The following METTL13 variants were observed in gnomAD, a reference collection of about 807,000 sequenced individuals.
METTL13 encodes methyltransferase 13, eEF1A N-terminus and K55.
METTL13 carries 52 observed loss-of-function variants against 67.4 expected under a neutral mutation model. That is an observed-to-expected ratio of 0.77 (90% confidence interval 0.62 to 0.97). METTL13 has a LOEUF of 0.97. Ranked by LOEUF, METTL13 falls within the 50% of genes least tolerant of loss-of-function variation. The pLI is 0.00. For synonymous variants in METTL13, 354 were observed against 353.6 expected, an observed-to-expected ratio of 1.00 and a Z score of -0.01; for missense variants, 825 against 889.6, an observed-to-expected ratio of 0.93 and a Z score of 0.92.
intron 2 of METTL13, among the ~76,000 whole-genome samples, chr1:171,784,803 G>T (rs1165883747): frequency 6.6e-6 from 1 of 152,166 alleles, no homozygotes; most frequent in African/African-American, 2.4e-5. Flanking sequence ...AATTTAGGAG[G>T]TCACATATGA....
At chr1:171,783,602 G>C in intron 1 of METTL13, 138 bp from the exon 2 acceptor site, 1 of 962,800 alleles carries the variant, frequency 1.0e-6, no homozygotes, top group Non-Finnish European at 1.5e-6. Flanking sequence ...ACTCTACAAT[G>C]TCGCTCTTTC....
At chr1:171,785,802 T>C in intron 2 of METTL13, 77 bp from the exon 3 acceptor site, 1 of 1,464,964 alleles carries the variant, frequency 6.8e-7, no homozygotes, top group Non-Finnish European at 9.4e-7. Flanking sequence ...AGGGACTGGC[T>C]CCCTGCCGTT....
intron 3 of METTL13, 56 bp downstream of exon 3, chr1:171,786,134 G>A (rs1458626251): frequency 2.0e-6 from 3 of 1,530,254 alleles, no homozygotes; most frequent in Non-Finnish European, 1.8e-6. Flanking sequence ...TAGCAGCCAG[G>A]GAGGCAGAGG....
chr1:171,794,532 G>A lies in METTL13; in HGVS notation c.1825+5G>A. ...AAAGCATCTTGACTCCTGAAGGTAT[G>A]GAGAACAAAAGGTGGGAGAGGGAGG... On this transcript the variant is annotated splice_donor_5th_base_variant and intron_variant, in intron 7 of 7. Coordinates refer to ENST00000361735, the MANE Select transcript of METTL13 (RefSeq NM_015935.5). 1 of 1,614,150 alleles carries A rather than the reference G, an allele frequency of 6.2e-7. No individual in the cohort carries two copies. The highest frequency in any genetic ancestry group is 8.5e-7 in the Non-Finnish European group (1 of 1,180,014).
chr1:171,783,926 T>C lies in METTL13; in HGVS notation c.340T>C (p.Ser114Pro). ...GACGCAGATGGAGTTTCCTGATGCC[T>C]CGTTCCAGGTGGTGTTGGACAAGGG... ...DMTQMEFPDA[S>P]FQVVLDKGTL... The change falls in exon 2 of 8, where the codon TCG becomes CCG. Residue 114 changes from serine (S) to proline (P), a missense_variant. Ser to Pro is a moderately conservative substitution (Grantham distance 74, BLOSUM62 -1). Coordinates refer to ENST00000361735, the MANE Select transcript of METTL13 (RefSeq NM_015935.5). 1.2e-6 allele frequency: 2 copies of C among 1,614,236 alleles called. No individual in the cohort carries two copies. Among genetic ancestry groups the C allele is most frequent in the South Asian group, 2.2e-5 (2 of 91,080 alleles).
chr1:171,784,405 C>G lies in METTL13; in HGVS notation c.819C>G (p.Cys273Trp). Residue 273 changes from cysteine (C) to tryptophan (W), a missense_variant, in exon 2 of 8, where the codon TGC becomes TGG. Coordinates refer to ENST00000361735, the MANE Select transcript of METTL13 (RefSeq NM_015935.5). ...ARLGSVSLDL[C>W]DGDTGEPRYT... is the part of the protein sequence containing the mutation. ...TGGGGAGTGTGTCTCTGGACTTGTG[C>G]GATGGGGACACGGGGGAGCCACGCT... The G allele has an allele frequency of 6.4e-7, 1 of 1,554,032 alleles. No homozygotes were observed. The highest frequency in any genetic ancestry group is 8.7e-7 in the Non-Finnish European group (1 of 1,151,070).
intron 6 of METTL13, among the ~76,000 whole-genome samples, chr1:171,793,554 A>G (rs553591523): frequency 1.3e-5 from 2 of 152,236 alleles, no homozygotes; most frequent in Non-Finnish European, 2.9e-5. Flanking sequence ...ATGAACAATG[A>G]TAAGCATGCA....
chr1:171,783,331 T>C (rs530002023), intron 1 of METTL13, among the ~76,000 whole-genome samples: 1 of 152,338 alleles, frequency 6.6e-6, no homozygotes, highest in East Asian at 1.9e-4. Context: ...AAGTGTACTT[T>C]ATTGTCTAAA....
chr1:171,792,493 C>A (rs1571170784), intron 6 of METTL13, among the ~76,000 whole-genome samples: 1 of 152,350 alleles, frequency 6.6e-6, no homozygotes. Context: ...GGGCTTTTTT[C>A]TGACCTGTAA....
At chr1:171,783,710 C>T (rs2124896117) in intron 1 of METTL13, 30 bp from the exon 2 acceptor site, 4 of 1,575,364 alleles carry the variant, frequency 2.5e-6, no homozygotes, top group Non-Finnish European at 3.4e-6. Context: ...CTTTGATTAC[C>T]TCCCTCTTGT....
chr1:171,791,034 A>T (rs1447452995), intron 5 of METTL13: 1 of 153,756 alleles, frequency 6.5e-6, no homozygotes, highest in Admixed American at 6.5e-5. Context: ...TATCGCTAAT[A>T]GCAGGTTTGG....
At position 171,796,498 on chromosome 1, in the gene METTL13, C is replaced by CA; in HGVS notation, c.1842_1843insA (p.Leu615ThrfsTer29). ...ACCCTATAGGTGTTTTTATTCTCAA[C>CA]CTTGTGTGCCGAGACTTGGGGCTAA... On this transcript the variant is annotated frameshift_variant, in exon 8 of 8. Transcript: ENST00000361735. LOFTEE classifies it high-confidence loss of function. 2 of 1,614,156 alleles carry CA rather than the reference C, an allele frequency of 1.2e-6. No homozygotes were observed. The highest frequency in any genetic ancestry group is 1.7e-6 in the Non-Finnish European group (2 of 1,180,016).
chr1:171,796,575 G>A lies in METTL13; in HGVS notation c.1919G>A (p.Arg640Gln), dbSNP rs754311962. ...GCAGTGTTCCCCCTCCTATATGTCC[G>A]GCGAATTGAGGGTGAAGTGAATGAG... ...LKAVFPLLYV[R>Q]RIEGEVNEIL... Residue 640 changes from arginine (R) to glutamine (Q), a missense_variant, in exon 8 of 8, where the codon CGG becomes CAG. By Grantham distance (43) the Arg-to-Gln change is conservative. Transcript: ENST00000361735. 7.4e-6 allele frequency: 12 copies of A among 1,614,014 alleles called. No homozygotes were observed. The highest frequency in any genetic ancestry group is 6.6e-5 in the South Asian group (6 of 91,082).
At position 171,796,801 on chromosome 1, in the gene METTL13, C is replaced by T; in HGVS notation, c.*45C>T. 1 of 1,588,654 alleles carries T rather than the reference C, an allele frequency of 6.3e-7. No individual in the cohort carries two copies. Among genetic ancestry groups the T allele is most frequent in the Non-Finnish European group, 8.6e-7 (1 of 1,166,398 alleles). ...CTCCTGCCTAGACTGACCTTGGACT[C>T]CCAGCCTGCCAGAGAATGAAGAAAT... On this transcript the variant is annotated 3_prime_UTR_variant, in exon 8 of 8. Transcript: ENST00000361735.
rs1181820632 is a variant in METTL13 at position 171,783,824 on chromosome 1, A to G, written c.238A>G (p.Ser80Gly). The change falls in exon 2 of 8, where the codon AGT (serine) becomes GGT (glycine). Residue 80 changes from serine to glycine, a missense_variant. Physicochemically the swap from Ser to Gly is moderately conservative, Grantham distance 56. Coordinates refer to ENST00000361735, the MANE Select transcript of METTL13 (RefSeq NM_015935.5). ...TCGGGATATAGTGAACATCGACATC[A>G]GTGAGGTTGTCATCAAGCAAATGAA... Reference protein sequence around the residue: ...GYRDIVNIDISEVVIKQMKEC... With the variant: ...GYRDIVNIDIGEVVIKQMKEC... The G allele has an allele frequency of 6.2e-7, 1 of 1,614,192 alleles. No individual in the cohort carries two copies. Among genetic ancestry groups the G allele is most frequent in the East Asian group, 2.2e-5 (1 of 44,880 alleles).
intron 2 of METTL13, 152 bp from the exon 3 acceptor site, chr1:171,785,727 G>T: frequency 5.2e-6 from 4 of 767,078 alleles, no homozygotes; most frequent in Non-Finnish European, 8.5e-6. Flanking sequence ...TGCCCTAGAT[G>T]TTGTGAACTA....
chr1:171,791,359 G>C (rs1000932241), intron 5 of METTL13, among the ~76,000 whole-genome samples: 1 of 152,202 alleles, frequency 6.6e-6, no homozygotes, highest in Non-Finnish European at 1.5e-5. Context: ...TGAGAAGACG[G>C]TGTGGCCTTT....
chr1:171,792,355 A>C, intron 6 of METTL13, 120 bp downstream of exon 6: 1 of 1,108,724 alleles, frequency 9.0e-7, no homozygotes, highest in East Asian at 2.5e-5. Context: ...TCCAGTCTTC[A>C]GCCTGTTCAT....
rs1324974785 is a variant in METTL13, at chr1:171,797,162, TG to T, written c.*407del. The T allele has an allele frequency of 5.8e-6, 1 of 173,142 alleles. No homozygotes were observed. Among genetic ancestry groups the T allele is most frequent in the Non-Finnish European group, 1.2e-5 (1 of 80,594 alleles). 10.7% of individuals were successfully genotyped at this position (173,142 alleles called of 1,614,324 possible). On this transcript the variant is annotated 3_prime_UTR_variant, in exon 8 of 8. Coordinates refer to ENST00000361735, the MANE Select transcript of METTL13 (RefSeq NM_015935.5). The stretch of plus-strand genomic sequence containing the variant: ...TTAGTTCTATAGGAGTGATCTCAAG[TG>T]AGATAGCAGAGCAAGATGCCAAAAG...
Sources: allele counts gnomAD v4.1 joint callset (sites outside exome capture counted in the v4.1 genomes callset), GRCh38; gene constraint gnomAD v4.1.1; transcripts MANE v1.5; gene names NCBI Gene and HGNC (gene_info 2026-07-23, HGNC 2026-07-21).